The following LUZP2 variants were observed in gnomAD, a reference collection of about 807,000 sequenced individuals.
LUZP2 encodes leucine zipper protein 2.
A neutral mutation model predicts 51.6 loss-of-function variants in LUZP2; 52 were observed. That is an observed-to-expected ratio of 1.01 (90% CI 0.81 to 1.27). The LOEUF (loss-of-function observed/expected upper bound fraction) is 1.27, where lower values mean the gene tolerates loss of function less well. LUZP2 is among the 50% of genes most tolerant of loss of function. LUZP2 has a pLI of 0.00. For synonymous variants in LUZP2, 154 were observed against 137.3 expected (o/e 1.12, Z -0.85); for missense variants, 436 against 395.4 (o/e 1.10, Z -0.87).
intron 5 of LUZP2, among the ~76,000 whole-genome samples, chr11:24,783,552 A>C (rs1390694442): frequency 6.6e-6 from 1 of 151,908 alleles, no homozygotes; most frequent in Non-Finnish European, 1.5e-5. Context: ...TAGAGGAACA[A>C]GTTTTTATAT....
At chr11:24,779,891 G>A (rs1007164264) in intron 5 of LUZP2, among the ~76,000 whole-genome samples, 3 of 151,964 alleles carry the variant, frequency 2.0e-5, no homozygotes, top group Non-Finnish European at 2.9e-5. Context: ...TGAAGATGCC[G>A]ACTTTGATAA....
chr11:24,789,416 T>TA (rs1252857696), intron 5 of LUZP2, among the ~76,000 whole-genome samples: 1 of 152,174 alleles, frequency 6.6e-6, no homozygotes, highest in African/African-American at 2.4e-5. Context: ...GATTACCTCT[T>TA]ATAGTTTCTC....
At position 24,896,015 on chromosome 11, in the gene LUZP2, A is replaced by G. The variant is rs558093499; in HGVS notation, c.397-9976A>G. Among the ~76,000 whole-genome samples, 10 of 152,224 alleles carry G rather than the reference A, an allele frequency of 6.6e-5. No individual in the cohort carries two copies. In the South Asian group the frequency reaches 8.3e-4, roughly 13 times the overall value. On this transcript the variant is annotated intron_variant, in intron 5 of 11. Transcript: ENST00000336930. ...TATCAGCATCTGTTGTTTTTTGACTATTTAACTACAGCAATTCTGACTGGT... is the reference window on the plus strand; with the variant it reads ...TATCAGCATCTGTTGTTTTTTGACTGTTTAACTACAGCAATTCTGACTGGT...
At position 25,062,844 on chromosome 11, in the gene LUZP2, C is replaced by T. The variant is rs993320290; in HGVS notation, c.858+12714C>T. On this transcript the variant is annotated intron_variant, in intron 10 of 11. Coordinates refer to ENST00000336930, the MANE Select transcript of LUZP2 (RefSeq NM_001009909.4). ...TTTATATAAATAAACATTGTAAAAA[C>T]GTTGTCTTAATGACCACAAAATATT... Among the ~76,000 whole-genome samples, 7 of 151,342 alleles carry T rather than the reference C, an allele frequency of 4.6e-5. 1 individual carries two copies. The highest frequency in any genetic ancestry group is 1.0e-4 in the Non-Finnish European group (7 of 67,700).
chr11:25,011,608 T>G (rs1213125954), intron 9 of LUZP2, among the ~76,000 whole-genome samples: 1 of 152,188 alleles, frequency 6.6e-6, no homozygotes, highest in South Asian at 2.1e-4. Context: ...ATAAAATTCA[T>G]GAAATTCTGA....
chr11:24,613,960 A>T (rs2133891893), intron 1 of LUZP2, among the ~76,000 whole-genome samples: 1 of 152,120 alleles, frequency 6.6e-6, no homozygotes. Flanking sequence ...GTTAACCGCC[A>T]ACTCTTTGGT....
At chr11:24,876,356 T>A (rs1237379563) in intron 5 of LUZP2, among the ~76,000 whole-genome samples, 1 of 150,164 alleles carries the variant, frequency 6.7e-6, no homozygotes, top group East Asian at 2.0e-4. Flanking sequence ...AAATAGGGAA[T>A]CCTTTCCCCA....
At chr11:24,987,168 A>G (rs771160285) in intron 9 of LUZP2, among the ~76,000 whole-genome samples, 8 of 151,942 alleles carry the variant, frequency 5.3e-5, no homozygotes, top group Non-Finnish European at 2.9e-5. Flanking sequence ...ACGTGAAACA[A>G]GTATTAGGAT....
intron 9 of LUZP2, among the ~76,000 whole-genome samples, chr11:24,995,047 T>C (rs1417138549): frequency 6.6e-6 from 1 of 152,226 alleles, no homozygotes; most frequent in African/African-American, 2.4e-5. Context: ...ATTTCAATTG[T>C]ATAACTGTTA....
chr11:25,014,521 T>C (rs1857085203), intron 9 of LUZP2, among the ~76,000 whole-genome samples: 2 of 152,202 alleles, frequency 1.3e-5, no homozygotes, highest in South Asian at 2.1e-4. Flanking sequence ...CATTTTTTCA[T>C]GTGTCTGTTG....
intron 7 of LUZP2, among the ~76,000 whole-genome samples, chr11:24,919,270 C>G (rs1431230200): frequency 1.1e-3 from 2 of 1,752 alleles, no homozygotes; most frequent in Non-Finnish European, 3.9e-3. Flanking sequence ...TTATATATGA[C>G]ATATATTGAT....
rs560916339 is a variant in LUZP2 at position 24,629,698 on chromosome 11, T to C, written c.63-99471T>C. 1.3e-3 allele frequency among the ~76,000 whole-genome samples: 194 copies of C among 151,808 alleles called. 1 individual carries two copies. The highest frequency in any genetic ancestry group is 3.4e-3 in the Middle Eastern group (1 of 292). On this transcript the variant is annotated intron_variant, in intron 1 of 11. Coordinates refer to ENST00000336930, the MANE Select transcript of LUZP2 (RefSeq NM_001009909.4). ...TTTGATAAAATGATTTATTTTCCGC[T>C]GGATAGATACCCAGTAGTGGGATTG...
chr11:24,911,567 T>G (rs1279600840), intron 6 of LUZP2, among the ~76,000 whole-genome samples: 3 of 152,144 alleles, frequency 2.0e-5, no homozygotes, highest in East Asian at 3.9e-4. Context: ...TCTGCCACCC[T>G]GTGAAGAGGT....
chr11:24,652,730 A>C (rs1381944946), intron 1 of LUZP2, among the ~76,000 whole-genome samples: 1 of 152,186 alleles, frequency 6.6e-6, no homozygotes, highest in African/African-American at 2.4e-5. Context: ...AGATGTCAAC[A>C]ATACCTTCAC....
intron 1 of LUZP2, among the ~76,000 whole-genome samples, chr11:24,538,683 A>T (rs1590154565): frequency 1.3e-5 from 2 of 149,050 alleles, no homozygotes; most frequent in South Asian, 4.3e-4. Flanking sequence ...TATATATATA[A>T]AACTTTCAAA....
chr11:24,920,139 A>C (rs561795996), intron 7 of LUZP2, among the ~76,000 whole-genome samples: 1 of 151,894 alleles, frequency 6.6e-6, no homozygotes, highest in Non-Finnish European at 1.5e-5. Context: ...AATACTCCCA[A>C]GTCACAAAAA....
intron 5 of LUZP2, among the ~76,000 whole-genome samples, chr11:24,863,566 G>A (rs1590657020): frequency 1.3e-5 from 2 of 151,534 alleles, no homozygotes; most frequent in African/African-American, 2.4e-5. Flanking sequence ...AATAGGAAAT[G>A]ACTGCTAATG....
chr11:24,871,408 T>C (rs1006452489), intron 5 of LUZP2, among the ~76,000 whole-genome samples: 1 of 152,062 alleles, frequency 6.6e-6, no homozygotes, highest in Non-Finnish European at 1.5e-5. Flanking sequence ...TCCTACCAAC[T>C]TGCTACCATC....
chr11:24,564,635 G>A (rs1033870812), intron 1 of LUZP2, among the ~76,000 whole-genome samples: 4 of 152,102 alleles, frequency 2.6e-5, no homozygotes, highest in African/African-American at 9.7e-5. Flanking sequence ...TCCATAGCTG[G>A]TCAGTCTCAT....
Sources: gnomAD v4.1 joint callset for allele counts (sites outside exome capture counted in the v4.1 genomes callset) on GRCh38, gnomAD v4.1.1 for gene constraint, MANE v1.5 for transcripts, NCBI Gene and HGNC (gene_info 2026-07-23, HGNC 2026-07-21) for gene names.